PTPRR: variants seen among roughly 807,000 people sequenced by gnomAD.
PTPRR encodes protein tyrosine phosphatase receptor type R.
Under a neutral mutation model 77.2 loss-of-function variants are expected in PTPRR, and 38 were observed. The observed-to-expected ratio is 0.49, with a 90% CI of 0.38 to 0.65. The LOEUF is 0.65. Among genes scored for constraint, PTPRR ranks in the 30% least tolerant of loss-of-function variants. The pLI is 0.00. For synonymous variants in PTPRR, 299 were observed against 283.1 expected (o/e 1.06, Z -0.57); for missense variants, 744 against 799.2 (o/e 0.93, Z 0.83).
intron 12 of PTPRR, among the ~76,000 whole-genome samples, chr12:70,659,827 A>C (rs1167478799): frequency 6.6e-6 from 1 of 152,108 alleles, no homozygotes; most frequent in Non-Finnish European, 1.5e-5. Context: ...AGCTGACTTA[A>C]GAGACCTATG....
Position 70,821,865 on chromosome 12 carries a change from T to A in PTPRR, c.358-57087A>T, listed in dbSNP as rs185863839. ...ATTTTTAGTACAGATGGTGTTTCACTGTGTTAGCCAGGATGGTCTTGATCT... is the reference window on the plus strand; with the variant it reads ...ATTTTTAGTACAGATGGTGTTTCACAGTGTTAGCCAGGATGGTCTTGATCT... On this transcript the variant is annotated intron_variant, in intron 2 of 13. Coordinates refer to ENST00000283228, the MANE Select transcript of PTPRR (RefSeq NM_002849.4). 1.4e-3 allele frequency among the ~76,000 whole-genome samples: 219 copies of A among 151,344 alleles called. 2 individuals carry two copies. Among genetic ancestry groups the A allele is most frequent in the African/African-American group, 5.1e-3 (212 of 41,262 alleles).
intron 2 of PTPRR, among the ~76,000 whole-genome samples, chr12:70,819,963 T>A (rs1243836732): frequency 3.3e-5 from 5 of 152,188 alleles, no homozygotes; most frequent in Admixed American, 3.3e-4. Flanking sequence ...ATCAACTATT[T>A]TTTGAAACCT....
At chr12:70,811,133 G>A (rs1445718364) in intron 2 of PTPRR, among the ~76,000 whole-genome samples, 2 of 152,128 alleles carry the variant, frequency 1.3e-5, no homozygotes, top group Non-Finnish European at 2.9e-5. Flanking sequence ...CAGAGTAAAT[G>A]TTAGATGTTT....
chr12:70,812,065 C>T (rs1048944862), intron 2 of PTPRR, among the ~76,000 whole-genome samples: 5 of 152,154 alleles, frequency 3.3e-5, no homozygotes, highest in African/African-American at 9.7e-5. Context: ...AAAGTGATCC[C>T]TCAGTCTTTC....
chr12:70,890,907 C>T (rs902075922), intron 2 of PTPRR, among the ~76,000 whole-genome samples: 1 of 152,064 alleles, frequency 6.6e-6, no homozygotes, highest in African/African-American at 2.4e-5. Context: ...TTAATTGCAT[C>T]ACCCCTTTGC....
At position 70,684,122 on chromosome 12, in the gene PTPRR, C is replaced by A; in HGVS notation, c.1497+5G>T. On this transcript the variant is annotated splice_donor_5th_base_variant and intron_variant, in intron 10 of 13. Coordinates refer to ENST00000283228, the MANE Select transcript of PTPRR (RefSeq NM_002849.4). ...TAACATTCAGAACTTGATTAAAGAT[C>A]ATACCTCATTTTTTTCTTTGAGTTT... 1 of 1,613,332 alleles carries A rather than the reference C, an allele frequency of 6.2e-7. No homozygotes were observed. The highest frequency in any genetic ancestry group is 8.5e-7 in the Non-Finnish European group (1 of 1,179,588).
intron 12 of PTPRR, among the ~76,000 whole-genome samples, chr12:70,658,756 C>T (rs1341110636): frequency 2.0e-5 from 3 of 148,638 alleles, no homozygotes; most frequent in East Asian, 4.0e-4. Flanking sequence ...TTGATGAAGA[C>T]TATAAGCTTC....
At chr12:70,832,604 T>C (rs1892233660) in intron 2 of PTPRR, among the ~76,000 whole-genome samples, 1 of 152,026 alleles carries the variant, frequency 6.6e-6, no homozygotes, top group Non-Finnish European at 1.5e-5. Context: ...TTAGAATGGT[T>C]AAGAGGTGGT....
At chr12:70,697,963 AC>A (rs1274511205) in intron 8 of PTPRR, among the ~76,000 whole-genome samples, 2 of 152,168 alleles carry the variant, frequency 1.3e-5, no homozygotes, top group Non-Finnish European at 2.9e-5. Context: ...ATTAGTCTTG[AC>A]ATGTGTTTGT....
chr12:70,752,891 G>A (rs1592733538), intron 5 of PTPRR, among the ~76,000 whole-genome samples: 2 of 152,244 alleles, frequency 1.3e-5, no homozygotes, highest in African/African-American at 2.4e-5. Context: ...CCCAGAAGAC[G>A]CTGCCATAAT....
At chr12:70,853,369 A>T (rs1206611085) in intron 2 of PTPRR, among the ~76,000 whole-genome samples, 1 of 152,228 alleles carries the variant, frequency 6.6e-6, no homozygotes, top group East Asian at 1.9e-4. Flanking sequence ...GTACTTGACC[A>T]TTACACATTC....
intron 6 of PTPRR, among the ~76,000 whole-genome samples, chr12:70,738,712 C>T (rs1311003160): frequency 6.6e-6 from 1 of 152,180 alleles, no homozygotes; most frequent in Non-Finnish European, 1.5e-5. Flanking sequence ...TATACAATTT[C>T]CCTTAGAGTG....
intron 2 of PTPRR, among the ~76,000 whole-genome samples, chr12:70,782,847 A>G (rs990740966): frequency 6.6e-6 from 1 of 152,178 alleles, no homozygotes; most frequent in African/African-American, 2.4e-5. Flanking sequence ...AAAAAAATAA[A>G]CAAATAAAAA....
intron 1 of PTPRR, among the ~76,000 whole-genome samples, chr12:70,902,772 A>G (rs944515057): frequency 6.6e-6 from 1 of 151,680 alleles, no homozygotes; most frequent in African/African-American, 2.4e-5. Context: ...AAGTCTAACA[A>G]ATAGGGTGCA....
Position 70,893,040 on chromosome 12 carries a change from TC to T in PTPRR, c.59-64del. ...CTATTCAGTAAGAGAGGTAGATATA[TC>T]TGATGAAGAGGATTACCCTTTCTTG... On this transcript the variant is annotated intron_variant, in intron 1 of 13. Coordinates refer to ENST00000283228, the MANE Select transcript of PTPRR (RefSeq NM_002849.4). 6 of 1,516,670 alleles carry T rather than the reference TC, an allele frequency of 4.0e-6. No homozygotes were observed. The African/African-American group carries it at 8.3e-5, about 21-fold the overall frequency. The allele number at this position is 1,516,670 out of a possible 1,614,324, so 94.0% of individuals were successfully genotyped here.
intron 2 of PTPRR, among the ~76,000 whole-genome samples, chr12:70,817,015 C>T (rs1891914972): frequency 6.6e-6 from 1 of 152,046 alleles, no homozygotes; most frequent in African/African-American, 2.4e-5. Context: ...AATGTCTCAT[C>T]CTGTCTCAGT....
chr12:70,683,578 C>T (rs550504245), intron 10 of PTPRR, among the ~76,000 whole-genome samples: 3 of 152,256 alleles, frequency 2.0e-5, no homozygotes, highest in African/African-American at 7.2e-5. Context: ...TTCCCCATCA[C>T]CCCCTCCTTA....
chr12:70,684,882 G>T, intron 8 of PTPRR, 99 bp from the exon 9 acceptor site: 1 of 736,760 alleles, frequency 1.4e-6, no homozygotes, highest in Non-Finnish European at 2.2e-6. Flanking sequence ...GTTATGTATT[G>T]ATTATCTGGT....
At chr12:70,697,130 G>A (rs1359219908) in intron 8 of PTPRR, among the ~76,000 whole-genome samples, 6 of 152,162 alleles carry the variant, frequency 3.9e-5, no homozygotes, top group African/African-American at 1.2e-4. Context: ...TAGCAACTCA[G>A]TTTTATCTTT....
Sources: gnomAD v4.1 joint callset for allele counts (sites outside exome capture counted in the v4.1 genomes callset) on GRCh38, gnomAD v4.1.1 for gene constraint, MANE v1.5 for transcripts, NCBI Gene and HGNC (gene_info 2026-07-23, HGNC 2026-07-21) for gene names.